Variants in CSMD3 observed in about 807,000 individuals in gnomAD.
CSMD3 encodes CUB and sushi domain-containing protein 3.
A neutral mutation model predicts 435.2 loss-of-function variants in CSMD3; 177 were observed. The ratio of observed to expected loss-of-function variants is 0.41; its 90% CI spans 0.36 to 0.46. The LOEUF is 0.46. Ranked by LOEUF, CSMD3 falls within the 20% of genes least tolerant of loss-of-function variation. The pLI is 0.34. For synonymous variants in CSMD3, 1,656 were observed against 1,520.5 expected, an observed-to-expected ratio of 1.09 and a Z score of -2.07; for missense variants, 4,265 against 4,504.6, an observed-to-expected ratio of 0.95 and a Z score of 1.52.
chr8:112,342,702 T>TAAAC (rs1252581441), intron 41 of CSMD3, among the ~76,000 whole-genome samples: 1 of 151,954 alleles, frequency 6.6e-6, no homozygotes, highest in Non-Finnish European at 1.5e-5. Flanking sequence ...GGGCTCTGAG[T>TAAAC]AAACGCGCAT....
At chr8:112,257,978 A>G (rs1314148119) in intron 61 of CSMD3, among the ~76,000 whole-genome samples, 1 of 152,148 alleles carries the variant, frequency 6.6e-6, no homozygotes, top group Non-Finnish European at 1.5e-5. Context: ...ATAACACCAC[A>G]CATCTACAAC....
intron 13 of CSMD3, among the ~76,000 whole-genome samples, chr8:112,734,684 G>T (rs1212964782): frequency 6.6e-6 from 1 of 151,846 alleles, no homozygotes; most frequent in African/African-American, 2.4e-5. Flanking sequence ...TTCTAATAAT[G>T]CATGAACTGA....
intron 8 of CSMD3, among the ~76,000 whole-genome samples, chr8:112,949,669 T>C (rs186439267): frequency 1.3e-3 from 191 of 152,174 alleles, no homozygotes; most frequent in Non-Finnish European, 1.9e-3. Flanking sequence ...TCCATTTTCA[T>C]CCACCTACAA....
intron 1 of CSMD3, among the ~76,000 whole-genome samples, chr8:113,334,438 G>T (rs1422085010): frequency 6.6e-6 from 1 of 151,628 alleles, no homozygotes; most frequent in Non-Finnish European, 1.5e-5. Context: ...GGCCCACTTG[G>T]TCATGTTATA....
At chr8:112,694,806 G>T (rs2076216733) in intron 13 of CSMD3, among the ~76,000 whole-genome samples, 1 of 152,034 alleles carries the variant, frequency 6.6e-6, no homozygotes, top group Non-Finnish European at 1.5e-5. Context: ...CCTTTACTTA[G>T]TTTCTAATAT....
chr8:112,322,953 C>T (rs551616885), intron 45 of CSMD3, among the ~76,000 whole-genome samples: 2 of 152,124 alleles, frequency 1.3e-5, no homozygotes, highest in Admixed American at 1.3e-4. Context: ...TAGGTTTCTT[C>T]AAGAGGGAAG....
intron 4 of CSMD3, among the ~76,000 whole-genome samples, chr8:113,119,711 A>C (rs546067529): frequency 6.6e-6 from 1 of 152,296 alleles, no homozygotes; most frequent in South Asian, 2.1e-4. Flanking sequence ...TTGAATTTGA[A>C]TAGGAAAAAT....
intron 6 of CSMD3, among the ~76,000 whole-genome samples, chr8:113,010,855 C>T (rs573091128): frequency 4.6e-5 from 7 of 151,664 alleles, no homozygotes; most frequent in Admixed American, 3.3e-4. Context: ...AGTATCAATG[C>T]TATGAAGATT....
At chr8:112,784,138 A>C (rs578093151) in intron 13 of CSMD3, among the ~76,000 whole-genome samples, 1 of 152,178 alleles carries the variant, frequency 6.6e-6, no homozygotes, top group African/African-American at 2.4e-5. Flanking sequence ...ATAGATAACA[A>C]GAGGATAAAT....
chr8:112,880,221 G>GA (rs746828026), intron 10 of CSMD3, among the ~76,000 whole-genome samples: 6 of 151,908 alleles, frequency 3.9e-5, no homozygotes, highest in Non-Finnish European at 5.9e-5. Flanking sequence ...TTTCTTTCTA[G>GA]AAAAAATCAA....
intron 4 of CSMD3, among the ~76,000 whole-genome samples, chr8:113,161,075 T>C (rs969610243): frequency 6.6e-6 from 1 of 152,118 alleles, no homozygotes. Context: ...GTCAATATAA[T>C]AGTCACTACA....
At chr8:112,268,765 A>G (rs1368262662) in intron 59 of CSMD3, among the ~76,000 whole-genome samples, 2 of 152,136 alleles carry the variant, frequency 1.3e-5, no homozygotes, top group Admixed American at 1.3e-4. Context: ...CAAGCCCAGA[A>G]CAGAGTTCTA....
At chr8:112,321,514 A>C (rs1822995424) in intron 45 of CSMD3, among the ~76,000 whole-genome samples, 2 of 152,160 alleles carry the variant, frequency 1.3e-5, no homozygotes, top group Non-Finnish European at 2.9e-5. Flanking sequence ...AGAAAACTTG[A>C]ACAAAAACTT....
intron 64 of CSMD3, 42 bp from the exon 65 acceptor site, chr8:112,244,615 T>A (rs751248842): frequency 6.4e-7 from 1 of 1,566,990 alleles, no homozygotes; most frequent in South Asian, 1.1e-5. Flanking sequence ...TCTATAGATA[T>A]GTTAAGAAAA....
At chr8:112,436,791 G>A (rs1814405413) in intron 32 of CSMD3, among the ~76,000 whole-genome samples, 4 of 151,980 alleles carry the variant, frequency 2.6e-5, no homozygotes, top group Admixed American at 2.0e-4. Context: ...TGTTAGCGTA[G>A]TAGGAGTCTA....
intron 3 of CSMD3, among the ~76,000 whole-genome samples, chr8:113,236,598 T>C (rs75196121): frequency 1.3e-5 from 2 of 152,254 alleles, no homozygotes; most frequent in East Asian, 3.9e-4. Context: ...CTTCAGTCTT[T>C]GGACTCCAGG....
chr8:112,789,341 G>T (rs76373414), intron 13 of CSMD3, among the ~76,000 whole-genome samples: 4,185 of 152,060 alleles, frequency 0.028, 84 homozygotes, highest in East Asian at 0.073. Flanking sequence ...TTTAATAAAA[G>T]TATGCTAGAA....
intron 3 of CSMD3, among the ~76,000 whole-genome samples, chr8:113,193,059 G>T (rs548624309): frequency 3.3e-5 from 5 of 151,526 alleles, no homozygotes; most frequent in South Asian, 2.1e-4. Flanking sequence ...CAAAGTAAAA[G>T]AATTCTCCAT....
At chr8:112,239,431 T>A (rs1278529727) in intron 66 of CSMD3, among the ~76,000 whole-genome samples, 1 of 152,064 alleles carries the variant, frequency 6.6e-6, no homozygotes, top group Admixed American at 6.6e-5. Flanking sequence ...CTTTATAATA[T>A]CTTTATCCGA....
Sources: gnomAD v4.1 joint callset for allele counts (sites outside exome capture counted in the v4.1 genomes callset) on GRCh38, gnomAD v4.1.1 for gene constraint, MANE v1.5 for transcripts, NCBI Gene and HGNC (gene_info 2026-07-23, HGNC 2026-07-21) for gene names.